Variants in SETD2 observed in about 807,000 individuals in gnomAD.
SETD2 encodes SET domain containing 2, histone lysine methyltransferase.
Under a neutral mutation model 242.1 loss-of-function variants are expected in SETD2, and 31 were observed. The observed-to-expected ratio is 0.13, with a 90% CI of 0.10 to 0.17. The LOEUF is 0.17. SETD2 is among the 10% of genes least tolerant of loss of function. SETD2 has a pLI of 1.00. For missense variants in SETD2, 2,481 were observed against 3,046.3 expected, an observed-to-expected ratio of 0.81 and a Z score of 4.37; for synonymous variants, 1,006 against 1,066.5, an observed-to-expected ratio of 0.94 and a Z score of 1.11.
intron 1 of SETD2, among the ~76,000 whole-genome samples, chr3:47,144,458 G>A (rs553430012): frequency 2.8e-4 from 43 of 152,032 alleles, no homozygotes; most frequent in Admixed American, 1.1e-3. Flanking sequence ...CCAACATGGT[G>A]AAACCCCGTC....
chr3:47,101,630 G>A lies in SETD2; in HGVS notation c.4918-75C>T, dbSNP rs989394287. On this transcript the variant is annotated intron_variant, in intron 7 of 20. Coordinates refer to ENST00000409792, the MANE Select transcript of SETD2 (RefSeq NM_014159.7). ...TGTGTGTGTGTGTGTGTGTGTGTGT[G>A]TGTGCGCATATATAAAGATCATCAT... is the stretch of plus-strand genomic sequence containing the variant. The A allele has an allele frequency of 3.2e-5, 26 of 818,112 alleles. No individual in the cohort carries two copies. The Admixed American group carries it at 5.1e-4, about 16-fold the overall frequency. 50.7% of individuals were successfully genotyped at this position (818,112 alleles called of 1,614,324 possible). A position where few individuals can be genotyped will look rare whatever the true frequency, so the allele number is the denominator to read the frequency against.
Position 47,037,693 on chromosome 3 carries a change from A to G in SETD2, c.7323T>C (p.Thr2441=), listed in dbSNP as rs759157028. ...LEHEAEMDLG[T]PTYDENPMKA... ...TCATGGGGTTTTCATCATATGTTGGAGTTCCCAGGTCCATCTCAGCTTCAT... is the reference window on the plus strand; with the variant it reads ...TCATGGGGTTTTCATCATATGTTGGGGTTCCCAGGTCCATCTCAGCTTCAT... Residue 2441 remains threonine, a synonymous_variant, in exon 18 of 21, where the codon ACT becomes ACC. Transcript: ENST00000409792. 1 of 1,613,758 alleles carries G rather than the reference A, an allele frequency of 6.2e-7. No individual in the cohort carries two copies. The highest frequency in any genetic ancestry group is 8.5e-7 in the Non-Finnish European group (1 of 1,179,746).
chr3:47,085,484 C>G (rs1297039321), intron 11 of SETD2, among the ~76,000 whole-genome samples: 1 of 152,168 alleles, frequency 6.6e-6, no homozygotes, highest in African/African-American at 2.4e-5. Context: ...TTTTGAAATC[C>G]AAGAATTTTT....
At chr3:47,098,231 A>G in intron 8 of SETD2, 150 bp from the exon 9 acceptor site, 1 of 588,898 alleles carries the variant, frequency 1.7e-6, no homozygotes, top group Non-Finnish European at 2.7e-6. Flanking sequence ...TGCTATTACT[A>G]ATAGAAATGT....
chr3:47,146,015 C>CAGA (rs2043842060), intron 1 of SETD2, among the ~76,000 whole-genome samples: 1 of 38,692 alleles, frequency 2.6e-5, no homozygotes, highest in Non-Finnish European at 4.0e-5. Flanking sequence ...GACCCTGTCT[C>CAGA]AAAAAAAAAA....
At chr3:47,042,516 A>G (rs2107538841) in intron 17 of SETD2, 45 bp downstream of exon 17, 1 of 1,608,152 alleles carries the variant, frequency 6.2e-7, no homozygotes, top group Non-Finnish European at 8.5e-7. Flanking sequence ...AACTTCTTTG[A>G]TTAAGTAAAA....
intron 17 of SETD2, chr3:47,041,439 G>C: frequency 2.4e-6 from 1 of 417,182 alleles, no homozygotes; most frequent in Non-Finnish European, 4.8e-6. Context: ...CTTGAAGCCA[G>C]GAGTTCGTGC....
chr3:47,099,846 A>G (rs866274096), intron 8 of SETD2, among the ~76,000 whole-genome samples: 2 of 152,276 alleles, frequency 1.3e-5, no homozygotes, highest in South Asian at 4.1e-4. Flanking sequence ...AACCTAAAGC[A>G]GAAGTCACTT....
intron 12 of SETD2, among the ~76,000 whole-genome samples, chr3:47,082,400 C>T (rs967519255): frequency 6.6e-6 from 1 of 152,186 alleles, no homozygotes; most frequent in Non-Finnish European, 1.5e-5. Flanking sequence ...AGCTTCTTTA[C>T]AGGCTCCACT....
intron 1 of SETD2, among the ~76,000 whole-genome samples, chr3:47,140,890 A>ATT (rs2043712244): frequency 6.6e-6 from 1 of 152,090 alleles, no homozygotes; most frequent in Non-Finnish European, 1.5e-5. Context: ...TAAAATTAAA[A>ATT]ATTCTAAGTA....
chr3:47,021,649 A>T (rs2038224314), intron 18 of SETD2, among the ~76,000 whole-genome samples: 1 of 152,184 alleles, frequency 6.6e-6, no homozygotes, highest in Non-Finnish European at 1.5e-5. Flanking sequence ...CCAAAATGGA[A>T]TACTCTTGAG....
chr3:47,137,995 G>A (rs185436217), intron 1 of SETD2, among the ~76,000 whole-genome samples: 40 of 140,764 alleles, frequency 2.8e-4, no homozygotes, highest in African/African-American at 8.0e-4. Context: ...TTTTTGAGAC[G>A]GAGTCTCGCT....
chr3:47,136,104 G>A (rs757534896), intron 1 of SETD2, among the ~76,000 whole-genome samples: 2 of 152,020 alleles, frequency 1.3e-5, no homozygotes, highest in South Asian at 2.1e-4. Flanking sequence ...AACTGATGAC[G>A]ATTATCCCAT....
rs1575861047 is a variant in SETD2, at chr3:47,162,368, A to C, written c.71+1486T>G. Among the ~76,000 whole-genome samples, 3 of 152,144 alleles carry C rather than the reference A, an allele frequency of 2.0e-5. No individual in the cohort carries two copies. The East Asian group carries it at 5.8e-4, about 29-fold the overall frequency. The stretch of plus-strand genomic sequence containing the variant: ...TGGTGCAGTAAATCAAAACAATCTT[A>C]CCTAACTGACCCTGCCAGTAGCAAA... On this transcript the variant is annotated intron_variant, in intron 1 of 20. Coordinates refer to ENST00000409792, the MANE Select transcript of SETD2 (RefSeq NM_014159.7).
At chr3:47,154,789 C>G (rs548267194) in intron 1 of SETD2, among the ~76,000 whole-genome samples, 2 of 151,946 alleles carry the variant, frequency 1.3e-5, no homozygotes, top group African/African-American at 4.8e-5. Context: ...GTCAGGAGAT[C>G]GAGACCATCC....
At chr3:47,041,436 C>A in intron 17 of SETD2, 1 of 417,824 alleles carries the variant, frequency 2.4e-6, no homozygotes, top group Non-Finnish European at 4.8e-6. Flanking sequence ...TCGCTTGAAG[C>A]CAGGAGTTCG....
At chr3:47,035,602 C>T (rs565244264) in intron 18 of SETD2, among the ~76,000 whole-genome samples, 1 of 152,266 alleles carries the variant, frequency 6.6e-6, no homozygotes, top group African/African-American at 2.4e-5. Flanking sequence ...ATTCCTCATT[C>T]GCTTTGAAAG....
At chr3:47,156,919 G>C (rs952155019) in intron 1 of SETD2, among the ~76,000 whole-genome samples, 1 of 152,150 alleles carries the variant, frequency 6.6e-6, no homozygotes, top group African/African-American at 2.4e-5. Flanking sequence ...GCCAAGGACA[G>C]GAGTTCGAGA....
intron 17 of SETD2, among the ~76,000 whole-genome samples, chr3:47,039,123 G>C (rs2107531784): frequency 6.6e-6 from 1 of 152,088 alleles, no homozygotes; most frequent in Non-Finnish European, 1.5e-5. Context: ...TATAGAAACT[G>C]AACAAATATA....
Sources: allele counts gnomAD v4.1 joint callset (sites outside exome capture counted in the v4.1 genomes callset), GRCh38; gene constraint gnomAD v4.1.1; transcripts MANE v1.5; gene names NCBI Gene and HGNC (gene_info 2026-07-23, HGNC 2026-07-21).